Variants in ARB2A observed in about 807,000 individuals in gnomAD.
ARB2A encodes cotranscriptional regulator ARB2A.
the ARB2A span, among the ~76,000 whole-genome samples, chr5:93,826,371 C>A: frequency 1.3e-5 from 2 of 152,148 alleles, no homozygotes; most frequent in Non-Finnish European, 2.9e-5. Context: ...ACATGCATGG[C>A]ATCACTTGCC....
the ARB2A span, among the ~76,000 whole-genome samples, chr5:94,002,700 C>CT: frequency 4.3e-4 from 63 of 146,956 alleles, no homozygotes; most frequent in Admixed American, 1.2e-3. Flanking sequence ...AAGTCTCTTT[C>CT]TTTTTTTTTA....
At chr5:93,698,966 ACTC>A in the ARB2A span, among the ~76,000 whole-genome samples, 1 of 152,054 alleles carries the variant, frequency 6.6e-6, no homozygotes, top group African/African-American at 2.4e-5. Context: ...CAGAGATAAA[ACTC>A]CTAGAAATTA....
the ARB2A span, among the ~76,000 whole-genome samples, chr5:93,827,878 C>G: frequency 6.6e-6 from 1 of 152,138 alleles, no homozygotes; most frequent in East Asian, 1.9e-4. Context: ...GCTTGTTTTT[C>G]TCAGGTTTGT....
the ARB2A span, among the ~76,000 whole-genome samples, chr5:93,651,647 A>G: frequency 6.6e-6 from 1 of 152,216 alleles, no homozygotes; most frequent in South Asian, 2.1e-4. Flanking sequence ...AATGATAAAC[A>G]TGAGTATAAA....
chr5:93,886,852 A>G, the ARB2A span, among the ~76,000 whole-genome samples: 1 of 151,800 alleles, frequency 6.6e-6, no homozygotes, highest in Non-Finnish European at 1.5e-5. Flanking sequence ...TCTCATAACC[A>G]TACTTTAACT....
chr5:94,064,302 C>A, the ARB2A span, among the ~76,000 whole-genome samples: 4 of 151,642 alleles, frequency 2.6e-5, no homozygotes, highest in African/African-American at 4.8e-5. Flanking sequence ...CTCAATCAGA[C>A]AAAAAATAAA....
At chr5:94,068,178 G>A in the ARB2A span, among the ~76,000 whole-genome samples, 1 of 152,182 alleles carries the variant, frequency 6.6e-6, no homozygotes, top group Non-Finnish European at 1.5e-5. Context: ...TGGAACCTTG[G>A]GCCATGCGGT....
chr5:93,927,928 C>T, the ARB2A span, among the ~76,000 whole-genome samples: 9 of 151,860 alleles, frequency 5.9e-5, no homozygotes, highest in African/African-American at 2.2e-4. Context: ...CTATAAAAAT[C>T]ATTAATTTTC....
chr5:93,638,958 A>T, the ARB2A span, among the ~76,000 whole-genome samples: 18 of 152,244 alleles, frequency 1.2e-4, no homozygotes, highest in Admixed American at 9.8e-4. Flanking sequence ...ATGTATGAAT[A>T]ATTTCACTTT....
the ARB2A span, among the ~76,000 whole-genome samples, chr5:93,971,245 G>A: frequency 2.0e-5 from 3 of 151,974 alleles, no homozygotes; most frequent in African/African-American, 4.8e-5. Flanking sequence ...TGATCCGCCC[G>A]CCTCGGCCTC....
At chr5:93,627,675 C>T in the ARB2A span, among the ~76,000 whole-genome samples, 1 of 151,974 alleles carries the variant, frequency 6.6e-6, no homozygotes, top group Non-Finnish European at 1.5e-5. Context: ...CTCCTGACCT[C>T]GTGATCTGCC....
the ARB2A span, among the ~76,000 whole-genome samples, chr5:94,090,384 G>A: frequency 5.3e-5 from 8 of 152,176 alleles, no homozygotes; most frequent in Non-Finnish European, 1.2e-4. Flanking sequence ...TGTATCCTGA[G>A]AATTTGTTGA....
the ARB2A span, among the ~76,000 whole-genome samples, chr5:94,028,834 T>C: frequency 6.6e-6 from 1 of 152,146 alleles, no homozygotes; most frequent in Non-Finnish European, 1.5e-5. Context: ...TTTACATGTA[T>C]CTCCTAAGAA....
chr5:94,034,217 C>T, the ARB2A span, among the ~76,000 whole-genome samples: 16 of 152,266 alleles, frequency 1.1e-4, no homozygotes, highest in South Asian at 8.3e-4. Context: ...GGATAATATC[C>T]GTATCTTAAG....
chr5:94,041,690 A>G, the ARB2A span, among the ~76,000 whole-genome samples: 1 of 152,220 alleles, frequency 6.6e-6, no homozygotes, highest in Admixed American at 6.5e-5. Context: ...TAAATTATGT[A>G]GGACAGATAT....
chr5:93,886,345 G>A, the ARB2A span, among the ~76,000 whole-genome samples: 2 of 151,620 alleles, frequency 1.3e-5, no homozygotes, highest in African/African-American at 4.8e-5. Flanking sequence ...ATCTGCTTTG[G>A]TCTTCAGGCA....
At chr5:93,803,551 T>A in the ARB2A span, among the ~76,000 whole-genome samples, 1 of 135,334 alleles carries the variant, frequency 7.4e-6, no homozygotes, top group East Asian at 2.6e-4. Flanking sequence ...TGGGGCCTAT[T>A]GGAGGGTGGA....
chr5:93,703,279 C>T, the ARB2A span, among the ~76,000 whole-genome samples: 1 of 152,190 alleles, frequency 6.6e-6, no homozygotes, highest in African/African-American at 2.4e-5. Context: ...TGGCGAGTGT[C>T]GGCGAAGTAG....
chr5:94,001,128 G>A, the ARB2A span, among the ~76,000 whole-genome samples: 2 of 151,952 alleles, frequency 1.3e-5, no homozygotes, highest in East Asian at 1.9e-4. Flanking sequence ...TGGCTATTCT[G>A]GGTCTTTTGC....
Sources: gnomAD v4.1 joint callset for allele counts (sites outside exome capture counted in the v4.1 genomes callset) on GRCh38, gnomAD v4.1.1 for gene constraint, MANE v1.5 for transcripts, NCBI Gene and HGNC (gene_info 2026-07-23, HGNC 2026-07-21) for gene names.